The following MXRA7 variants were observed in gnomAD, a reference collection of about 807,000 sequenced individuals.
MXRA7 encodes matrix remodeling associated 7.
In MXRA7, 18 loss-of-function variants were observed where a neutral mutation model predicts 17.4. The observed-to-expected ratio is 1.03, with a 90% CI of 0.71 to 1.53. MXRA7 has a LOEUF of 1.53. MXRA7 is among the 40% of genes most tolerant of loss of function. The pLI, the probability that MXRA7 is intolerant of heterozygous loss-of-function variation, is 0.00. For missense variants in MXRA7, 141 were observed against 209.3 expected, an observed-to-expected ratio of 0.67 and a Z score of 2.01; for synonymous variants, 70 against 101.7, an observed-to-expected ratio of 0.69 and a Z score of 1.87.
intron 1 of MXRA7, among the ~76,000 whole-genome samples, chr17:76,696,438 T>C (rs1256821199): frequency 6.6e-6 from 1 of 151,494 alleles, no homozygotes; most frequent in Non-Finnish European, 1.5e-5. Context: ...GGAGGATCGC[T>C]TGAGTCCAGG....
At chr17:76,710,538 C>T (rs2076707468) in intron 1 of MXRA7, 67 bp downstream of exon 1, 6 of 1,191,294 alleles carry the variant, frequency 5.0e-6, no homozygotes, top group African/African-American at 1.6e-5. Context: ...CCTGGCTCGG[C>T]GGGGAACGGC....
chr17:76,688,393 C>T (rs548972496), intron 1 of MXRA7: 16 of 1,429,718 alleles, frequency 1.1e-5, no homozygotes, highest in South Asian at 9.0e-5. Context: ...TGAGCTGAGG[C>T]GTGTTCTTGA....
downstream of MXRA7, chr17:76,677,374 A>C: frequency 2.1e-6 from 1 of 480,152 alleles, no homozygotes; most frequent in Non-Finnish European, 3.7e-6. Flanking sequence ...CAGAAACCAG[A>C]GGGGTCAGGG....
At position 76,681,751 on chromosome 17, in the gene MXRA7, G is replaced by A. The variant is rs762727800; in HGVS notation, c.501-872C>T. On this transcript the variant is annotated intron_variant, in intron 3 of 3. Transcript: ENST00000449428. The surrounding 1 kb of genome is among the most constrained non-coding windows in gnomAD (Gnocchi z 4.7). ...AAGTGATGGAGAGGAGCTGACAGCC[G>A]CGCCTGTTCTTTCTCCTGCCAAGCT... 2.0e-5 allele frequency among the ~76,000 whole-genome samples: 3 copies of A among 152,170 alleles called. No individual in the cohort carries two copies. The highest frequency in any genetic ancestry group is 3.2e-3 in the Middle Eastern group (1 of 316).
intron 3 of MXRA7, among the ~76,000 whole-genome samples, chr17:76,684,855 A>C (rs1178552397): frequency 6.6e-6 from 1 of 152,098 alleles, no homozygotes; most frequent in Non-Finnish European, 1.5e-5. Context: ...CCTTCTGGTC[A>C]GTGCCAGGGA....
At chr17:76,696,174 A>G (rs2076531356) in intron 1 of MXRA7, among the ~76,000 whole-genome samples, 1 of 152,164 alleles carries the variant, frequency 6.6e-6, no homozygotes, top group African/African-American at 2.4e-5. Context: ...AGGACACTAA[A>G]GCGTTTGGTT....
intron 1 of MXRA7, among the ~76,000 whole-genome samples, chr17:76,702,627 A>G (rs979599241): frequency 1.3e-5 from 2 of 152,134 alleles, no homozygotes; most frequent in Non-Finnish European, 2.9e-5. Flanking sequence ...AGGCGAATGC[A>G]TTGCTTGAGG....
chr17:76,710,608 C>A lies in MXRA7; in HGVS notation c.339G>T (p.Arg113Ser). 7.3e-7 allele frequency: 1 copy of A among 1,378,354 alleles called. No individual in the cohort carries two copies. The allele number at this position is 1,378,354 out of a possible 1,614,324, so 85.4% of individuals were successfully genotyped here. ...CCGCGAGGGCCCCGGTGCGTACCTG[C>A]CTCGCCTCCACCGCCTGCTCCTCCG... Reference protein sequence around the residue: ...AEAEEQAVEARQEEEQDLDGE... With the variant: ...AEAEEQAVEASQEEEQDLDGE... Residue 113 changes from arginine to serine, a missense_variant, in exon 1 of 4, where the codon AGG becomes AGT. Physicochemically the swap from Arg to Ser is moderately radical, Grantham distance 110 (BLOSUM62 -1). Transcript: ENST00000449428.
intron 3 of MXRA7, among the ~76,000 whole-genome samples, chr17:76,682,656 C>T (rs367632932): frequency 6.6e-6 from 1 of 152,090 alleles, no homozygotes; most frequent in Non-Finnish European, 1.5e-5. Context: ...GAGGGGCAAC[C>T]ACATGCAGGG....
At chr17:76,701,271 G>C (rs2076587985) in intron 1 of MXRA7, among the ~76,000 whole-genome samples, 1 of 152,200 alleles carries the variant, frequency 6.6e-6, no homozygotes, top group South Asian at 2.1e-4. Flanking sequence ...GAGGTGACCA[G>C]AATTGCAGAC....
At position 76,710,818 on chromosome 17, in the gene MXRA7, T is replaced by C. The variant is rs2076714068; in HGVS notation, c.129A>G (p.Glu43=). The change falls in exon 1 of 4, where the codon GAA becomes GAG. Residue 43 remains glutamate, a synonymous_variant. Coordinates refer to ENST00000449428, the MANE Select transcript of MXRA7 (RefSeq NM_198530.4). ...ASPEPARAPP[E]PAPPAEATGA... The stretch of plus-strand genomic sequence containing the variant: ...CGGTGGCCTCGGCCGGGGGCGCGGG[T>C]TCCGGGGGCGCGCGGGCAGGCTCCG... 4 of 926,522 alleles carry C rather than the reference T, an allele frequency of 4.3e-6. No homozygotes were observed. Among genetic ancestry groups the C allele is most frequent in the South Asian group, 5.0e-5 (1 of 20,162 alleles). The allele number at this position is 926,522 out of a possible 1,614,324, so 57.4% of individuals were successfully genotyped here.
intron 1 of MXRA7, among the ~76,000 whole-genome samples, chr17:76,700,078 G>C (rs1260144797): frequency 6.6e-6 from 1 of 152,182 alleles, no homozygotes; most frequent in Non-Finnish European, 1.5e-5. Flanking sequence ...TCCTGCCTCA[G>C]CCTCCCAAGT....
intron 1 of MXRA7, among the ~76,000 whole-genome samples, chr17:76,707,291 C>CTTTTTTTTTTTTTTT (rs56067261): frequency 7.3e-5 from 7 of 96,126 alleles, no homozygotes; most frequent in East Asian, 3.8e-4. Context: ...AGTCCCTACT[C>CTTTTTTTTTTTTTTT]TTTTTTTTTT....
At chr17:76,697,377 G>C (rs1051673888) in intron 1 of MXRA7, among the ~76,000 whole-genome samples, 19 of 152,182 alleles carry the variant, frequency 1.2e-4, no homozygotes, top group African/African-American at 4.6e-4. Context: ...GAAAAGAAAC[G>C]TCTGTTGCTG....
intron 2 of MXRA7, 25 bp from the exon 3 acceptor site, chr17:76,685,190 G>A (rs78973581): frequency 5.1e-6 from 8 of 1,577,870 alleles, no homozygotes; most frequent in Non-Finnish European, 7.0e-6. Flanking sequence ...CCCAGTAAGT[G>A]CCAGGAGTGC....
In MXRA7 at chr17:76,698,697, ACTTC is replaced by A. The variant is rs1341098908; in HGVS notation, c.343-10525_343-10522del. ...GCCTGGGAATGTTGATTCCAACCTG[ACTTC>A]CTTCCTTTCTGTTTTTTTTTTTTTT... On this transcript the variant is annotated intron_variant, in intron 1 of 3. Coordinates refer to ENST00000449428, the MANE Select transcript of MXRA7 (RefSeq NM_198530.4). Among the ~76,000 whole-genome samples the A allele has an allele frequency of 9.3e-5, 12 of 129,124 alleles. No homozygotes were observed. In the East Asian group the frequency reaches 2.7e-3, roughly 29 times the overall value. 84.7% of individuals were successfully genotyped at this position (129,124 alleles called of 152,430 possible). A position where few individuals can be genotyped will look rare whatever the true frequency, so the allele number is the denominator to read the frequency against.
At chr17:76,691,604 C>T (rs998018834) in intron 1 of MXRA7, among the ~76,000 whole-genome samples, 1 of 152,066 alleles carries the variant, frequency 6.6e-6, no homozygotes, top group African/African-American at 2.4e-5. Flanking sequence ...AACGGGAGGA[C>T]ACCCACTTGG....
At chr17:76,677,670 T>C (rs1042609052), downstream of MXRA7, 10 of 1,613,872 alleles carry the variant, frequency 6.2e-6, no homozygotes, top group Admixed American at 1.5e-4. Flanking sequence ...TTTCATGAGC[T>C]TGAAGATGGC....
In MXRA7 at chr17:76,706,217, A is replaced by AG. The variant is rs1207845541; in HGVS notation, c.342+4387_342+4388insC. On this transcript the variant is annotated intron_variant, in intron 1 of 3. Transcript: ENST00000449428. ...TCACAGAGGCCCACGCTGCCATCAC[A>AG]AAGGCCCACTCTGCCGTCACAGAGG... is the stretch of plus-strand genomic sequence containing the variant. Among the ~76,000 whole-genome samples the AG allele has an allele frequency of 7.6e-3, 846 of 110,632 alleles. 64 individuals are homozygous for AG. The highest frequency in any genetic ancestry group is 0.016 in the Middle Eastern group (3 of 186). The allele number at this position is 110,632 out of a possible 152,430, so 72.6% of individuals were successfully genotyped here. A position where few individuals can be genotyped will look rare whatever the true frequency, so the allele number is the denominator to read the frequency against.
Sources: gnomAD v4.1 joint callset for allele counts (sites outside exome capture counted in the v4.1 genomes callset) on GRCh38, gnomAD v4.1.1 for gene constraint, Gnocchi (gnomAD v3.1) non-coding constraint, MANE v1.5 for transcripts, NCBI Gene and HGNC (gene_info 2026-07-23, HGNC 2026-07-21) for gene names.